The following TEX22 variants were observed in gnomAD, a reference collection of about 807,000 sequenced individuals.
The protein encoded by TEX22 is testis-expressed protein 22.
A neutral mutation model predicts 11.3 loss-of-function variants in TEX22; 16 were observed. The observed-to-expected ratio is 1.42, with a 90% CI of 0.96 to 2.15. The LOEUF (loss-of-function observed/expected upper bound fraction) is 2.15. Ranked by LOEUF, TEX22 falls within the 30% of genes most tolerant of loss-of-function variation. The probability of loss-of-function intolerance (pLI) is 0.00; values close to 1 mark genes in which losing one functional copy is unlikely to be tolerated. For missense variants in TEX22, 220 were observed against 208.6 expected (o/e 1.05, Z -0.34); for synonymous variants, 97 against 92.3 (o/e 1.05, Z -0.29).
At chr14:105,398,885 G>A (rs1199177813) in intron 1 of TEX22, among the ~76,000 whole-genome samples, 1 of 152,262 alleles carries the variant, frequency 6.6e-6, no homozygotes, top group Non-Finnish European at 1.5e-5. Flanking sequence ...GAGGTCTCAG[G>A]GTCGGAAGCG....
Position 105,399,377 on chromosome 14 carries a change from C to G in TEX22, c.37C>G (p.Leu13Val). ...GAAACTGTCCCCCCGGGGGAAGAAG[C>G]TGGAGTCGCACCTCTCCCAAGAGCA... ...SRKLSPRGKK[L>V]ESHLSQEHRR... is the part of the protein sequence containing the mutation. Residue 13 changes from leucine to valine, a missense_variant, in exon 2 of 4, where the codon CTG (leucine) becomes GTG (valine). Physicochemically the swap from Leu to Val is conservative, Grantham distance 32. Transcript: ENST00000451127. The G allele has an allele frequency of 1.3e-6, 2 of 1,535,768 alleles. No individual in the cohort carries two copies. The highest frequency in any genetic ancestry group is 1.7e-6 in the Non-Finnish European group (2 of 1,146,808).
Position 105,412,106 on chromosome 14 carries a change from C to T in TEX22, c.*273C>T, listed in dbSNP as rs958562271. The T allele has an allele frequency of 6.1e-6, 2 of 327,158 alleles. No individual in the cohort carries two copies. Among genetic ancestry groups the T allele is most frequent in the Non-Finnish European group, 1.1e-5 (2 of 179,252 alleles). 20.3% of individuals were successfully genotyped at this position (327,158 alleles called of 1,614,324 possible). On this transcript the variant is annotated 3_prime_UTR_variant, in exon 4 of 4. Coordinates refer to ENST00000451127, the MANE Select transcript of TEX22 (RefSeq NM_001195082.2). This position sits in a 1 kb window ranked among gnomAD's most constrained non-coding sequence, Gnocchi z 5.8. ...CAAGGCCTGGGTAGCAGGAGCTTGC[C>T]CTCGGGGCCGCTGGGAGGAGGCCTG... is the stretch of plus-strand genomic sequence containing the variant.
chr14:105,403,588 A>T (rs1555418634), intron 2 of TEX22, among the ~76,000 whole-genome samples: 4 of 152,110 alleles, frequency 2.6e-5, no homozygotes. Context: ...ATGCCTAGCT[A>T]ATTTTAAAAA....
chr14:105,402,515 G>C (rs1322243625), intron 2 of TEX22, among the ~76,000 whole-genome samples: 1 of 152,068 alleles, frequency 6.6e-6, no homozygotes, highest in Non-Finnish European at 1.5e-5. Flanking sequence ...AGCACTTTGG[G>C]AGGCTGGGGC....
At chr14:105,406,633 AAAAG>A (rs1334412566) in intron 2 of TEX22, among the ~76,000 whole-genome samples, 1 of 152,152 alleles carries the variant, frequency 6.6e-6, no homozygotes, top group Non-Finnish European at 1.5e-5. Context: ...ATCTTTAAAA[AAAAG>A]GAGGAAAAAA....
intron 3 of TEX22, 72 bp downstream of exon 3, chr14:105,411,568 C>T (rs1172033444): frequency 4.7e-6 from 6 of 1,287,988 alleles, no homozygotes; most frequent in Non-Finnish European, 5.9e-6. Context: ...TCCCTCGACT[C>T]AGTCCCACTG....
At chr14:105,398,670 A>AC (rs1441120146) in intron 1 of TEX22, 35 bp downstream of exon 1, 2 of 149,408 alleles carry the variant, frequency 1.3e-5, no homozygotes, top group African/African-American at 4.9e-5. Context: ...GTGCCCACGT[A>AC]CCCCCCACCT....
intron 2 of TEX22, among the ~76,000 whole-genome samples, chr14:105,404,992 G>A (rs191020679): frequency 6.6e-6 from 1 of 152,294 alleles, no homozygotes; most frequent in East Asian, 1.9e-4. Flanking sequence ...GAACTAAAGT[G>A]TTCTCAGTTC....
chr14:105,407,399 CA>C (rs1289673034), intron 2 of TEX22, among the ~76,000 whole-genome samples: 4 of 151,914 alleles, frequency 2.6e-5, no homozygotes, highest in Non-Finnish European at 5.9e-5. Flanking sequence ...GATGGGATCT[CA>C]CTTTGTTGTC....
chr14:105,402,515 GAGGC>G, intron 2 of TEX22, among the ~76,000 whole-genome samples: 1 of 152,186 alleles, frequency 6.6e-6, no homozygotes, highest in Non-Finnish European at 1.5e-5. Context: ...AGCACTTTGG[GAGGC>G]TGGGGCGGGC....
intron 2 of TEX22, among the ~76,000 whole-genome samples, chr14:105,405,510 C>T (rs1201515171): frequency 6.6e-6 from 1 of 152,156 alleles, no homozygotes; most frequent in Non-Finnish European, 1.5e-5. Context: ...GGGTTGTGAA[C>T]GTGTGCAGCG....
At chr14:105,404,750 A>G (rs1439339562) in intron 2 of TEX22, among the ~76,000 whole-genome samples, 1 of 152,126 alleles carries the variant, frequency 6.6e-6, no homozygotes, top group Non-Finnish European at 1.5e-5. Context: ...TTTAAATGAT[A>G]AAAAAGAGAA....
chr14:105,409,718 T>G (rs1043160478), intron 2 of TEX22, among the ~76,000 whole-genome samples: 3 of 145,178 alleles, frequency 2.1e-5, no homozygotes. Context: ...TTTCTTTCTT[T>G]CATTCATTCT....
rs587725549 is a variant in TEX22 at position 105,404,813 on chromosome 14, C to G, written c.150+5323C>G. On this transcript the variant is annotated intron_variant, in intron 2 of 3. Coordinates refer to ENST00000451127, the MANE Select transcript of TEX22 (RefSeq NM_001195082.2). The stretch of plus-strand genomic sequence containing the variant: ...TTCTGAAGAAATGATCTCAAAGCAT[C>G]ATGAAAGTGATGAAAGGTCTGAAAT... 3.3e-5 allele frequency among the ~76,000 whole-genome samples: 5 copies of G among 152,270 alleles called. No homozygotes were observed. The East Asian group carries it at 9.6e-4, about 29-fold the overall frequency.
chr14:105,399,153 A>G (rs1250157673), intron 1 of TEX22, 149 bp from the exon 2 acceptor site: 33 of 591,438 alleles, frequency 5.6e-5, no homozygotes, highest in Non-Finnish European at 8.1e-5. Flanking sequence ...CACTCCACCC[A>G]GAGGGGTCAG....
Position 105,411,379 on chromosome 14 carries a change from G to C in TEX22, c.162G>C (p.Pro54=). The change falls in exon 3 of 4, where the codon CCG becomes CCC. Residue 54 remains proline (P), a synonymous_variant. Transcript: ENST00000451127. ...GCCCTGTCCCCCAGGTGTGCGAGCC[G>C]CCGGAACGCAGGCGCCCGGGCCGCC... The part of the protein sequence containing the change: ...GLQTQDWVCE[P]PERRRPGRRW... 7.5e-7 allele frequency: 1 copy of C among 1,326,422 alleles called. No homozygotes were observed. Among genetic ancestry groups the C allele is most frequent in the African/African-American group, 1.5e-5 (1 of 65,064 alleles). 82.2% of individuals were successfully genotyped at this position (1,326,422 alleles called of 1,614,324 possible). A position where few individuals can be genotyped will look rare whatever the true frequency, so the allele number is the denominator to read the frequency against.
At chr14:105,404,487 G>A (rs1194320760) in intron 2 of TEX22, among the ~76,000 whole-genome samples, 1 of 152,176 alleles carries the variant, frequency 6.6e-6, no homozygotes, top group East Asian at 1.9e-4. Flanking sequence ...CCATCTTGGA[G>A]GACAGCTCTC....
chr14:105,399,487 C>T lies in TEX22; in HGVS notation c.147C>T (p.Asp49=). 6.5e-7 allele frequency: 1 copy of T among 1,530,868 alleles called. No individual in the cohort carries two copies. Among genetic ancestry groups the T allele is most frequent in the Non-Finnish European group, 8.7e-7 (1 of 1,143,730 alleles). 94.8% of individuals were successfully genotyped at this position (1,530,868 alleles called of 1,614,324 possible). The change falls in exon 2 of 4, where the codon GAC becomes GAT. Residue 49 remains aspartate, a synonymous_variant. Transcript: ENST00000451127. ...SSVQQGLQTQ[D]WVCEPPERRR... is the part of the protein sequence containing the mutation. ...TTCAGCAGGGACTGCAGACTCAGGACTGGGTAAGCGGAAGGAAACCCTGGC... is the reference window on the plus strand; with the variant it reads ...TTCAGCAGGGACTGCAGACTCAGGATTGGGTAAGCGGAAGGAAACCCTGGC...
intron 2 of TEX22, among the ~76,000 whole-genome samples, chr14:105,409,893 G>C (rs587601022): frequency 6.6e-6 from 1 of 151,514 alleles, no homozygotes; most frequent in South Asian, 2.1e-4. Context: ...CTCTGCCTCA[G>C]CCTCCCCAGT....
Sources: gnomAD v4.1 joint callset for allele counts (sites outside exome capture counted in the v4.1 genomes callset) on GRCh38, gnomAD v4.1.1 for gene constraint, Gnocchi (gnomAD v3.1) non-coding constraint, MANE v1.5 for transcripts, NCBI Gene and HGNC (gene_info 2026-07-23, HGNC 2026-07-21) for gene names.